Variants in CTTNBP2NL observed in about 807,000 individuals in gnomAD.
CTTNBP2NL encodes CTTNBP2 N-terminal-like protein.
CTTNBP2NL carries 16 observed loss-of-function variants against 32.5 expected under a neutral mutation model. The ratio of observed to expected loss-of-function variants is 0.49; its 90% CI spans 0.33 to 0.75. The LOEUF is 0.75. Ranked by LOEUF, CTTNBP2NL falls within the 30% of genes least tolerant of loss-of-function variation. The probability of loss-of-function intolerance (pLI) is 0.02; values close to 1 mark genes in which losing one functional copy is unlikely to be tolerated. For synonymous variants in CTTNBP2NL, 298 were observed against 289.4 expected (o/e 1.03, Z -0.30); for missense variants, 645 against 756.0 (o/e 0.85, Z 1.72).
At chr1:112,423,763 G>A (rs940526069) in intron 3 of CTTNBP2NL, among the ~76,000 whole-genome samples, 24 of 152,082 alleles carry the variant, frequency 1.6e-4, no homozygotes, top group Non-Finnish European at 3.2e-4. Flanking sequence ...TCGCTGTGTC[G>A]CCAAGGCTGG....
chr1:112,455,697 A>G (rs1650340628), intron 5 of CTTNBP2NL, among the ~76,000 whole-genome samples: 1 of 152,252 alleles, frequency 6.6e-6, no homozygotes, highest in Non-Finnish European at 1.5e-5. Flanking sequence ...GATACGTCAT[A>G]TTCCCACTAA....
At chr1:112,391,716 G>C (rs1648187742), upstream of CTTNBP2NL, among the ~76,000 whole-genome samples, 1 of 152,138 alleles carries the variant, frequency 6.6e-6, no homozygotes, top group African/African-American at 2.4e-5. Context: ...AGTCCAGGCC[G>C]GGCGCGGTGG....
chr1:112,455,182 G>A (rs1650326926), intron 5 of CTTNBP2NL, among the ~76,000 whole-genome samples: 1 of 152,160 alleles, frequency 6.6e-6, no homozygotes, highest in Non-Finnish European at 1.5e-5. Flanking sequence ...GGGTTGGGAA[G>A]ACAATTAAAA....
At chr1:112,440,771 G>A (rs1046868858) in intron 3 of CTTNBP2NL, among the ~76,000 whole-genome samples, 4 of 152,166 alleles carry the variant, frequency 2.6e-5, no homozygotes, top group South Asian at 4.1e-4. Context: ...GGAAAGTCAC[G>A]TGTTTGATAT....
At chr1:112,430,641 C>T (rs533522126) in intron 3 of CTTNBP2NL, among the ~76,000 whole-genome samples, 1 of 149,238 alleles carries the variant, frequency 6.7e-6, no homozygotes, top group East Asian at 2.0e-4. Context: ...GCAACCCCTT[C>T]CTCCTGGGTT....
rs1260727511 is a variant in CTTNBP2NL at position 112,457,240 on chromosome 1, C to T, written c.1748C>T (p.Pro583Leu). 3 of 1,614,192 alleles carry T rather than the reference C, an allele frequency of 1.9e-6. No individual in the cohort carries two copies. Among genetic ancestry groups the T allele is most frequent in the Non-Finnish European group, 2.5e-6 (3 of 1,180,032 alleles). The stretch of plus-strand genomic sequence containing the variant: ...GAGAGAGGAAACCCTCCACCCATCC[C>T]ACCCAAGAAACCTGGCCTCACCCCT... ...RAERGNPPPIPPKKPGLTPSP... is the reference protein window; with the variant it reads ...RAERGNPPPILPKKPGLTPSP... Residue 583 changes from proline (P) to leucine (L), a missense_variant, in exon 6 of 6, where the codon CCA becomes CTA. Transcript: ENST00000271277.
At chr1:112,407,142 G>A (rs1175268399) in intron 1 of CTTNBP2NL, among the ~76,000 whole-genome samples, 1 of 152,108 alleles carries the variant, frequency 6.6e-6, no homozygotes, top group Non-Finnish European at 1.5e-5. Context: ...GACTGATAAG[G>A]CAAAATAAGG....
chr1:112,399,116 G>A (rs919568869), intron 1 of CTTNBP2NL, among the ~76,000 whole-genome samples: 25 of 151,666 alleles, frequency 1.6e-4, no homozygotes, highest in Non-Finnish European at 2.9e-4. Context: ...TCAGGAGTTC[G>A]AGACCAGCCT....
chr1:112,405,223 C>G (rs562947853), intron 1 of CTTNBP2NL, among the ~76,000 whole-genome samples: 2 of 152,092 alleles, frequency 1.3e-5, no homozygotes, highest in African/African-American at 4.8e-5. Context: ...AGTAGCTTAA[C>G]TAATGTAGTT....
chr1:112,391,884 G>C (rs1191485118), upstream of CTTNBP2NL, among the ~76,000 whole-genome samples: 1 of 152,040 alleles, frequency 6.6e-6, no homozygotes, highest in Non-Finnish European at 1.5e-5. Context: ...CCAGCTACTT[G>C]GGAGGCTGAG....
At chr1:112,450,681 A>C (rs908257340) in intron 4 of CTTNBP2NL, among the ~76,000 whole-genome samples, 3 of 152,220 alleles carry the variant, frequency 2.0e-5, no homozygotes, top group African/African-American at 4.8e-5. Context: ...AGAAGTTAAA[A>C]ATAATTCAAA....
chr1:112,437,837 T>C lies in CTTNBP2NL; in HGVS notation c.100-11105T>C, dbSNP rs555475566. ...CATACCCGGCCGAGTTCCTTCCTTA[T>C]AGATGCTGGATATTAGACGTTTGTC... On this transcript the variant is annotated intron_variant, in intron 3 of 5. Coordinates refer to ENST00000271277, the MANE Select transcript of CTTNBP2NL (RefSeq NM_018704.3). Among the ~76,000 whole-genome samples, 9 of 152,296 alleles carry C rather than the reference T, an allele frequency of 5.9e-5. No individual in the cohort carries two copies. The South Asian group carries it at 1.5e-3, about 25-fold the overall frequency.
intron 4 of CTTNBP2NL, among the ~76,000 whole-genome samples, chr1:112,453,905 A>G (rs1334910446): frequency 3.3e-5 from 5 of 152,188 alleles, no homozygotes; most frequent in African/African-American, 1.2e-4. Context: ...ATGCAGTAGG[A>G]AGTCAAGAGA....
At chr1:112,432,066 ATTTTTT>A (rs11440212) in intron 3 of CTTNBP2NL, among the ~76,000 whole-genome samples, 1 of 91,050 alleles carries the variant, frequency 1.1e-5, no homozygotes, top group Non-Finnish European at 2.0e-5. Flanking sequence ...ATATATTTTG[ATTTTTT>A]TTTTTTTTTT....
At position 112,457,710 on chromosome 1, in the gene CTTNBP2NL, T is replaced by G; in HGVS notation, c.*298T>G. 3.6e-6 allele frequency: 1 copy of G among 278,628 alleles called. No homozygotes were observed. Among genetic ancestry groups the G allele is most frequent in the Non-Finnish European group, 6.7e-6 (1 of 148,306 alleles). The allele number at this position is 278,628 out of a possible 1,614,324, so 17.3% of individuals were successfully genotyped here. ...CACCAGGTGGTGATTTGCTATCTAT[T>G]TGAGAACTAGAATCACTCAACACTC... On this transcript the variant is annotated 3_prime_UTR_variant, in exon 6 of 6. Coordinates refer to ENST00000271277, the MANE Select transcript of CTTNBP2NL (RefSeq NM_018704.3).
At chr1:112,397,424 G>A (rs1648362707) in intron 1 of CTTNBP2NL, among the ~76,000 whole-genome samples, 1 of 152,032 alleles carries the variant, frequency 6.6e-6, no homozygotes, top group Admixed American at 6.6e-5. Flanking sequence ...CTTTTTTATA[G>A]TGTCCTCCCC....
chr1:112,424,135 GT>G (rs1472134401), intron 3 of CTTNBP2NL, among the ~76,000 whole-genome samples: 1 of 151,788 alleles, frequency 6.6e-6, no homozygotes, highest in African/African-American at 2.4e-5. Flanking sequence ...TTTGTTTTTT[GT>G]TTTTCTTATA....
chr1:112,393,186 A>G (rs1648225269), upstream of CTTNBP2NL, among the ~76,000 whole-genome samples: 1 of 152,140 alleles, frequency 6.6e-6, no homozygotes, highest in Non-Finnish European at 1.5e-5. Flanking sequence ...TTCTAGCCTC[A>G]AGAACTGAGA....
chr1:112,454,425 T>G, intron 4 of CTTNBP2NL, 24 bp from the exon 5 acceptor site: 1 of 1,572,112 alleles, frequency 6.4e-7, no homozygotes, highest in Non-Finnish European at 8.7e-7. Context: ...TATTTGAAAA[T>G]GAAATTTAAA....
Sources: gnomAD v4.1 joint callset for allele counts (sites outside exome capture counted in the v4.1 genomes callset) on GRCh38, gnomAD v4.1.1 for gene constraint, MANE v1.5 for transcripts, NCBI Gene and HGNC (gene_info 2026-07-23, HGNC 2026-07-21) for gene names.